The following TPX2 variants were observed in gnomAD, a reference collection of about 807,000 sequenced individuals.
TPX2 encodes the protein targeting protein for Xklp2.
In TPX2, 21 loss-of-function variants were observed where a neutral mutation model predicts 93.6. The observed-to-expected ratio is 0.22, with a 90% CI of 0.16 to 0.32. TPX2 has a LOEUF of 0.32. Among genes scored for constraint, TPX2 ranks in the 10% least tolerant of loss-of-function variants. The pLI, the probability that TPX2 is intolerant of heterozygous loss-of-function variation, is 1.00. For synonymous variants in TPX2, 281 were observed against 298.3 expected (o/e 0.94, Z 0.60); for missense variants, 776 against 871.1 (o/e 0.89, Z 1.37).
Position 31,778,767 on chromosome 20 carries a change from G to A in TPX2, c.883-46G>A, listed in dbSNP as rs754065389. 10 of 1,496,068 alleles carry A rather than the reference G, an allele frequency of 6.7e-6. No homozygotes were observed. The Admixed American group carries it at 2.2e-4, about 33-fold the overall frequency. The allele number at this position is 1,496,068 out of a possible 1,614,324, so 92.7% of individuals were successfully genotyped here. On this transcript the variant is annotated intron_variant, in intron 9 of 17. Coordinates refer to ENST00000300403, the MANE Select transcript of TPX2 (RefSeq NM_012112.5). ...AATATGTGGCTTATGGTAGATGTGA[G>A]CTCTTCCGTGACATTTCATTTGGGG...
rs570850059 is a variant in TPX2 at position 31,780,072 on chromosome 20, T to C, written c.1054+1088T>C. ...CATAGGCATTTTTTTTGAGACAGAGTCTCGTTCTGGGTGTCATCACCCAGG... is the reference window on the plus strand; with the variant it reads ...CATAGGCATTTTTTTTGAGACAGAGCCTCGTTCTGGGTGTCATCACCCAGG... On this transcript the variant is annotated intron_variant, in intron 10 of 17. Coordinates refer to ENST00000300403, the MANE Select transcript of TPX2 (RefSeq NM_012112.5). Among the ~76,000 whole-genome samples the C allele has an allele frequency of 2.6e-5, 4 of 152,168 alleles. No individual in the cohort carries two copies. In the East Asian group the frequency reaches 5.8e-4, roughly 22 times the overall value.
chr20:31,772,341 G>A (rs1167332905), intron 7 of TPX2, among the ~76,000 whole-genome samples: 2 of 151,924 alleles, frequency 1.3e-5, no homozygotes, highest in African/African-American at 4.8e-5. Context: ...ACTTTTACAT[G>A]TTTTTGTAGA....
intron 17 of TPX2, 69 bp downstream of exon 17, chr20:31,798,621 G>T: frequency 2.0e-6 from 3 of 1,469,436 alleles, no homozygotes; most frequent in Non-Finnish European, 2.7e-6. Context: ...ACCTTACCTT[G>T]TACCAGACAG....
chr20:31,791,490 T>C (rs757133111), intron 12 of TPX2, among the ~76,000 whole-genome samples: 17 of 152,210 alleles, frequency 1.1e-4, no homozygotes, highest in Non-Finnish European at 2.1e-4. Flanking sequence ...TTCACCGTGT[T>C]AGCCAGGATA....
At chr20:31,797,262 G>T in intron 15 of TPX2, 142 bp from the exon 16 acceptor site, 1 of 686,730 alleles carries the variant, frequency 1.5e-6, no homozygotes, top group Non-Finnish European at 2.5e-6. Flanking sequence ...TGTAAAGTTT[G>T]TGTGAAAGAT....
At chr20:31,783,210 G>A (rs2062044846) in intron 11 of TPX2, among the ~76,000 whole-genome samples, 1 of 151,800 alleles carries the variant, frequency 6.6e-6, no homozygotes, top group Admixed American at 6.6e-5. Context: ...TGTTAGGACT[G>A]TCTGATTTAT....
At chr20:31,796,142 T>C (rs2062137711) in intron 15 of TPX2, among the ~76,000 whole-genome samples, 1 of 152,156 alleles carries the variant, frequency 6.6e-6, no homozygotes, top group South Asian at 2.1e-4. Context: ...AAAAAGCTTT[T>C]CAGAAATATA....
At chr20:31,781,738 T>C (rs1243927701) in intron 10 of TPX2, among the ~76,000 whole-genome samples, 1 of 151,528 alleles carries the variant, frequency 6.6e-6, no homozygotes, top group Non-Finnish European at 1.5e-5. Flanking sequence ...AGCCCAGTAG[T>C]TCAAGACCAG....
In TPX2 at chr20:31,766,454, G is replaced by GGTGTGTGTGTGTGTGTGT. The variant is rs35700111; in HGVS notation, c.230-77_230-60dup. 6.2e-5 allele frequency: 45 copies of GGTGTGTGTGTGTGTGTGT among 720,656 alleles called. 1 individual carries two copies. The African/African-American group carries it at 8.3e-4, about 13-fold the overall frequency. The allele number at this position is 720,656 out of a possible 1,614,324, so 44.6% of individuals were successfully genotyped here. On this transcript the variant is annotated intron_variant, in intron 4 of 17. Coordinates refer to ENST00000300403, the MANE Select transcript of TPX2 (RefSeq NM_012112.5). ...ACTAAGGTTTCTGTGGCTTAGACAGGGTGTGTGTGTGTGTGTGTGTGTGTG... is the reference window on the plus strand; with the variant it reads ...ACTAAGGTTTCTGTGGCTTAGACAGGGTGTGTGTGTGTGTGTGTGTGTGTGTGTGTGTGTGTGTGTGTG...
chr20:31,741,299 T>G (rs541868866), intron 1 of TPX2, among the ~76,000 whole-genome samples: 76 of 152,010 alleles, frequency 5.0e-4, no homozygotes, highest in African/African-American at 1.8e-3. Flanking sequence ...TAGAGTTGTT[T>G]TTTTTGTTTT....
intron 2 of TPX2, among the ~76,000 whole-genome samples, chr20:31,754,239 C>A (rs1309320836): frequency 6.6e-6 from 1 of 151,928 alleles, no homozygotes; most frequent in East Asian, 1.9e-4. Flanking sequence ...AGCCACCACC[C>A]CAGGCTAATT....
At chr20:31,743,553 G>A (rs2061765477) in intron 2 of TPX2, among the ~76,000 whole-genome samples, 2 of 151,822 alleles carry the variant, frequency 1.3e-5, no homozygotes, top group South Asian at 2.1e-4. Context: ...AAATTTAACC[G>A]GGCGTGGTGG....
chr20:31,769,511 A>G (rs1015276821), intron 5 of TPX2, among the ~76,000 whole-genome samples: 1 of 151,926 alleles, frequency 6.6e-6, no homozygotes, highest in Non-Finnish European at 1.5e-5. Context: ...TTTTTAGTAG[A>G]GACGGGGTTT....
chr20:31,771,648 G>A lies in TPX2; in HGVS notation c.574G>A (p.Gly192Ser), dbSNP rs2061965185. 1 of 1,613,468 alleles carries A rather than the reference G, an allele frequency of 6.2e-7. No individual in the cohort carries two copies. Among genetic ancestry groups the A allele is most frequent in the African/African-American group, 1.3e-5 (1 of 74,868 alleles). The change falls in exon 7 of 18, where the codon GGT becomes AGT. Residue 192 changes from glycine (G) to serine (S), a missense_variant. Physicochemically the swap from Gly to Ser is moderately conservative, Grantham distance 56. Coordinates refer to ENST00000300403, the MANE Select transcript of TPX2 (RefSeq NM_012112.5). ...KNASSPEKAK[G>S]RHTVPCMPPA... is the part of the protein sequence containing the mutation. ...TGCATCTTCCCCAGAGAAAGCCAAG[G>A]GTAGACATACTGTGCCTTGTATGCC...
At chr20:31,769,218 AAAC>A (rs1241563613) in intron 5 of TPX2, among the ~76,000 whole-genome samples, 1 of 151,938 alleles carries the variant, frequency 6.6e-6, no homozygotes, top group African/African-American at 2.4e-5. Flanking sequence ...TAAAAAAAAA[AAAC>A]CACAAAATTT....
chr20:31,754,932 G>A (rs1047200990), intron 2 of TPX2, among the ~76,000 whole-genome samples: 14 of 152,122 alleles, frequency 9.2e-5, no homozygotes, highest in African/African-American at 2.9e-4. Context: ...CTGGAATAGT[G>A]TAGCATTATA....
intron 12 of TPX2, among the ~76,000 whole-genome samples, chr20:31,790,078 T>G (rs2062090755): frequency 6.6e-6 from 1 of 152,232 alleles, no homozygotes; most frequent in Non-Finnish European, 1.5e-5. Context: ...TTGCCCCTGG[T>G]GCATTCAAGC....
At position 31,801,021 on chromosome 20, in the gene TPX2, A is replaced by G. The variant is rs764011374; in HGVS notation, c.2185A>G (p.Ser729Gly). ...GTACCAGGGTCTGGAGATAAAGTCAAGTGACCAGCCTCTGACTGTGCCTGT... is the reference window on the plus strand; with the variant it reads ...GTACCAGGGTCTGGAGATAAAGTCAGGTGACCAGCCTCTGACTGTGCCTGT... ...RKYQGLEIKS[S>G]DQPLTVPVSP... Residue 729 changes from serine (S) to glycine (G), a missense_variant, in exon 18 of 18, where the codon AGT (serine) becomes GGT (glycine). Ser to Gly is a moderately conservative substitution (Grantham distance 56). This residue lies in a region of TPX2 where 461 missense variants were observed against 551.2 expected (regional missense o/e 0.84). Transcript: ENST00000300403. The G allele has an allele frequency of 4.3e-6, 7 of 1,614,216 alleles. No homozygotes were observed. The highest frequency in any genetic ancestry group is 1.7e-5 in the Admixed American group (1 of 60,026).
chr20:31,800,054 G>A (rs539454710), intron 17 of TPX2, among the ~76,000 whole-genome samples: 34 of 152,230 alleles, frequency 2.2e-4, no homozygotes, highest in African/African-American at 6.5e-4. Context: ...CAAGAAAAGC[G>A]TGGGCAACAT....
Sources: allele counts gnomAD v4.1 joint callset (sites outside exome capture counted in the v4.1 genomes callset), GRCh38; gene constraint gnomAD v4.1.1; regional missense constraint gnomAD v4.1.1; transcripts MANE v1.5; gene names NCBI Gene and HGNC (gene_info 2026-07-23, HGNC 2026-07-21).